The following CMTM2 variants were observed in gnomAD, a reference collection of about 807,000 sequenced individuals.
The protein encoded by CMTM2 is CKLF like MARVEL transmembrane domain containing 2, also known as CKLF-like MARVEL transmembrane domain-containing protein 2.
In CMTM2, 15 loss-of-function variants were observed where a neutral mutation model predicts 16.8. That is an observed-to-expected ratio of 0.89 (90% CI 0.60 to 1.37). The LOEUF is 1.37. CMTM2 is among the 40% of genes most tolerant of loss of function. CMTM2 has a pLI of 0.00. For missense variants in CMTM2, 282 were observed against 318.0 expected (o/e 0.89, Z 0.86); for synonymous variants, 117 against 118.7 (o/e 0.99, Z 0.09).
intron 2 of CMTM2, among the ~76,000 whole-genome samples, chr16:66,581,150 G>A (rs1483033461): frequency 1.3e-5 from 2 of 151,732 alleles, no homozygotes; most frequent in African/African-American, 2.4e-5. Context: ...AAACTATTAG[G>A]GTCCAGGGAT....
chr16:66,580,471 G>A (rs1318490361), intron 2 of CMTM2: 5 of 388,306 alleles, frequency 1.3e-5, no homozygotes, highest in Non-Finnish European at 2.3e-5. Flanking sequence ...TAGGGGAAGG[G>A]GAGGTGTAGC....
At position 66,588,166 on chromosome 16, in the gene CMTM2, AAT is replaced by A. The variant is rs1567385463; in HGVS notation, c.*50_*51del. On this transcript the variant is annotated 3_prime_UTR_variant, in exon 4 of 4. Coordinates refer to ENST00000268595, the MANE Select transcript of CMTM2 (RefSeq NM_144673.3). Reference sequence around the variant, plus strand: ...CTGAAACGGCAGTGTATTTTACAGCAATATGTTTCCACTCTCTTCCTTGTCTT... The same window carrying A: ...CTGAAACGGCAGTGTATTTTACAGCAATGTTTCCACTCTCTTCCTTGTCTT... The A allele has an allele frequency of 1.1e-5, 17 of 1,538,912 alleles. No individual in the cohort carries two copies. The East Asian group carries it at 1.1e-4, about 10-fold the overall frequency.
rs1371116420 is a variant in CMTM2 at position 66,579,815 on chromosome 16, C to T, written c.208C>T (p.Arg70Cys). ...AGTGGGCACGAGGAGGGGGTGTCGC[C>T]GCTACCGGTGGGAATTAAAAGACAG... ...HEVGTRRGCR[R>C]YRWELKDSNK... The change falls in exon 1 of 4, where the codon CGC becomes TGC. Residue 70 changes from arginine to cysteine, a missense_variant. Transcript: ENST00000268595. This position sits in a 1 kb window ranked among gnomAD's most constrained non-coding sequence, Gnocchi z 6.5. 3.4e-5 allele frequency: 55 copies of T among 1,613,730 alleles called. No homozygotes were observed. Among genetic ancestry groups the T allele is most frequent in the Non-Finnish European group, 4.7e-5 (55 of 1,179,994 alleles).
chr16:66,582,079 C>T (rs1300877552), intron 2 of CMTM2, among the ~76,000 whole-genome samples: 2 of 152,026 alleles, frequency 1.3e-5, no homozygotes, highest in African/African-American at 4.8e-5. Flanking sequence ...ACAAACACAA[C>T]AAATGGATTA....
chr16:66,579,648 C>T lies in CMTM2; in HGVS notation c.41C>T (p.Ala14Val). Residue 14 changes from alanine to valine, a missense_variant, in exon 1 of 4, where the codon GCA (alanine) becomes GTA (valine). Coordinates refer to ENST00000268595, the MANE Select transcript of CMTM2 (RefSeq NM_144673.3). The surrounding 1 kb of genome is among the most constrained non-coding windows in gnomAD (Gnocchi z 6.5). ...GCAAAGGGGGCCAAGCCAGAGCCAG[C>T]ACCAGCTCCACCTCCACCCGGGGCC... is the stretch of plus-strand genomic sequence containing the variant. The part of the protein sequence containing the change: ...KAAKGAKPEP[A>V]PAPPPPGAKP... The T allele has an allele frequency of 6.2e-7, 1 of 1,613,896 alleles. No individual in the cohort carries two copies. Among genetic ancestry groups the T allele is most frequent in the Non-Finnish European group, 8.5e-7 (1 of 1,179,996 alleles).
chr16:66,582,283 C>T (rs1048748912), intron 2 of CMTM2, among the ~76,000 whole-genome samples: 8 of 152,088 alleles, frequency 5.3e-5, no homozygotes, highest in Non-Finnish European at 7.4e-5. Context: ...AATTCAAAAA[C>T]AGATCAGACA....
chr16:66,587,663 G>C (rs78562552), intron 3 of CMTM2, among the ~76,000 whole-genome samples: 3,154 of 152,224 alleles, frequency 0.021, 42 homozygotes, highest in Admixed American at 0.03. Context: ...TGTAGCTGCC[G>C]ACCCCAGAGC....
intron 2 of CMTM2, among the ~76,000 whole-genome samples, chr16:66,584,634 C>G (rs1042076722): frequency 2.0e-5 from 3 of 152,128 alleles, no homozygotes; most frequent in Non-Finnish European, 4.4e-5. Flanking sequence ...GAAAAGAGAA[C>G]TCAGAAATAG....
chr16:66,580,359 C>A (rs1377202381), intron 2 of CMTM2, 175 bp downstream of exon 2: 3 of 650,908 alleles, frequency 4.6e-6, no homozygotes, highest in Non-Finnish European at 7.9e-6. Context: ...AGAGGGGTAG[C>A]TAGGCAGAAA....
chr16:66,583,811 C>A (rs1001062668), intron 2 of CMTM2, among the ~76,000 whole-genome samples: 3 of 152,166 alleles, frequency 2.0e-5, no homozygotes, highest in African/African-American at 7.2e-5. Context: ...CAAGGATGGA[C>A]TCACCCAACA....
chr16:66,587,019 C>T lies in CMTM2; in HGVS notation c.467C>T (p.Ala156Val). Residue 156 changes from alanine to valine, a missense_variant, in exon 3 of 4, where the codon GCT becomes GTT. Physicochemically the swap from Ala to Val is moderately conservative, Grantham distance 64 (BLOSUM62 0). Transcript: ENST00000268595. ...PISDLFNDLIACAFLVGAVVF... is the reference protein window; with the variant it reads ...PISDLFNDLIVCAFLVGAVVF... ...CAGGACCTCTTCAACGACCTGATTGCTTGTGCGTTCCTTGTGGGAGCCGTG... is the reference window on the plus strand; with the variant it reads ...CAGGACCTCTTCAACGACCTGATTGTTTGTGCGTTCCTTGTGGGAGCCGTG... The T allele has an allele frequency of 2.5e-6, 4 of 1,614,114 alleles. No homozygotes were observed. The highest frequency in any genetic ancestry group is 1.1e-5 in the South Asian group (1 of 91,080).
chr16:66,586,762 G>C (rs1428898517), intron 2 of CMTM2: 15 of 518,238 alleles, frequency 2.9e-5, no homozygotes, highest in Non-Finnish European at 4.5e-5. Context: ...GACTTCACAG[G>C]CTTCAGCACG....
At chr16:66,584,128 T>C (rs1007220053) in intron 2 of CMTM2, among the ~76,000 whole-genome samples, 13 of 152,186 alleles carry the variant, frequency 8.5e-5, no homozygotes, top group African/African-American at 3.1e-4. Context: ...TTCCACCTCC[T>C]GGTTCAAGCA....
chr16:66,585,377 C>T (rs886558614), intron 2 of CMTM2, among the ~76,000 whole-genome samples: 5 of 152,144 alleles, frequency 3.3e-5, no homozygotes, highest in African/African-American at 1.2e-4. Context: ...TGTCTCATTT[C>T]GTTCATTCAT....
chr16:66,580,477 G>A (rs1387113509), intron 2 of CMTM2: 7 of 368,662 alleles, frequency 1.9e-5, no homozygotes, highest in Non-Finnish European at 3.0e-5. Flanking sequence ...AAGGGGAGGT[G>A]TAGCAACCAG....
chr16:66,584,672 A>G (rs999518660), intron 2 of CMTM2, among the ~76,000 whole-genome samples: 1 of 152,250 alleles, frequency 6.6e-6, no homozygotes, highest in Non-Finnish European at 1.5e-5. Flanking sequence ...AACTTGGTAT[A>G]TGACGGAGGT....
rs114800845 is a variant in CMTM2, at chr16:66,582,717, G to C, written c.444+2533G>C. On this transcript the variant is annotated intron_variant, in intron 2 of 3. Coordinates refer to ENST00000268595, the MANE Select transcript of CMTM2 (RefSeq NM_144673.3). ...ACCCTGTCTAAAAAATAATAAAAGA[G>C]GTGTCAAGAAGCCAGGCACAGTGAT... 6.6e-3 allele frequency among the ~76,000 whole-genome samples: 997 copies of C among 151,564 alleles called. 14 individuals are homozygous for C. The highest frequency in any genetic ancestry group is 0.023 in the African/African-American group (962 of 41,318).
At chr16:66,587,838 CT>C in intron 3 of CMTM2, 80 bp from the exon 4 acceptor site, 1 of 1,420,090 alleles carries the variant, frequency 7.0e-7, no homozygotes, top group Non-Finnish European at 9.9e-7. Context: ...ACAGCACCCC[CT>C]GATGAATGAG....
intron 2 of CMTM2, 111 bp downstream of exon 2, chr16:66,580,295 C>G (rs1330066614): frequency 8.2e-7 from 1 of 1,219,152 alleles, no homozygotes. Context: ...ATATCTGTGC[C>G]TGGGTCAGGG....
Sources: allele counts gnomAD v4.1 joint callset (sites outside exome capture counted in the v4.1 genomes callset), GRCh38; gene constraint gnomAD v4.1.1; non-coding constraint Gnocchi (gnomAD v3.1); transcripts MANE v1.5; gene names NCBI Gene and HGNC (gene_info 2026-07-23, HGNC 2026-07-21).